Variants in NAV1 observed in about 807,000 individuals in gnomAD.
NAV1 encodes neuron navigator 1.
NAV1 carries 18 observed loss-of-function variants against 175.2 expected under a neutral mutation model. The observed-to-expected ratio is 0.10, with a 90% CI of 0.07 to 0.15. The LOEUF is 0.15. Ranked by LOEUF, NAV1 falls within the 10% of genes least tolerant of loss-of-function variation. The pLI is 1.00. For synonymous variants in NAV1, 897 were observed against 978.7 expected (o/e 0.92, Z 1.56); for missense variants, 1,731 against 2,436.6 (o/e 0.71, Z 6.10).
chr1:201,794,772 C>T lies in NAV1; in HGVS notation c.3517+195C>T, dbSNP rs560485939. On this transcript the variant is annotated intron_variant, in intron 15 of 29. Transcript: ENST00000367296. ...GGGGCATGACCCCAGCTTCCTAGGGCATGAAGGCAAGTAGAGGAGACCTGT... is the reference window on the plus strand; with the variant it reads ...GGGGCATGACCCCAGCTTCCTAGGGTATGAAGGCAAGTAGAGGAGACCTGT... The T allele has an allele frequency of 1.5e-5, 9 of 599,724 alleles. No individual in the cohort carries two copies. In the South Asian group the frequency reaches 1.8e-4, roughly 12 times the overall value. 37.2% of individuals were successfully genotyped at this position (599,724 alleles called of 1,614,324 possible). A position where few individuals can be genotyped will look rare whatever the true frequency, so the allele number is the denominator to read the frequency against.
intron 3 of NAV1, among the ~76,000 whole-genome samples, chr1:201,731,514 T>C (rs773443834): frequency 6.6e-6 from 1 of 152,126 alleles, no homozygotes; most frequent in Non-Finnish European, 1.5e-5. Context: ...GGCCAGCTCC[T>C]ACTAAAAGGG....
chr1:201,557,627 T>G (rs1666067796), intron 1 of NAV1, among the ~76,000 whole-genome samples: 1 of 152,242 alleles, frequency 6.6e-6, no homozygotes, highest in South Asian at 2.1e-4. Flanking sequence ...GTTCCTGATC[T>G]TCCCAGTTTT....
intron 15 of NAV1, among the ~76,000 whole-genome samples, chr1:201,802,474 A>AGG (rs71141413): frequency 4.8e-5 from 2 of 41,710 alleles, no homozygotes; most frequent in Non-Finnish European, 1.7e-4. Context: ...AAAAAAAAAA[A>AGG]AAGAAAGAAA....
At chr1:201,758,317 T>G (rs1447178540) in intron 3 of NAV1, among the ~76,000 whole-genome samples, 2 of 152,196 alleles carry the variant, frequency 1.3e-5, no homozygotes, top group African/African-American at 4.8e-5. Flanking sequence ...ATGTTGACAT[T>G]TTATTTGGTG....
intron 1 of NAV1, chr1:201,673,713 T>C (rs1026597230): frequency 1.3e-5 from 2 of 152,190 alleles, no homozygotes; most frequent in Non-Finnish European, 2.9e-5. Context: ...TAGGACAGAA[T>C]GTATGTAGCC....
Position 201,754,638 on chromosome 1 carries a change from G to A in NAV1, c.1227-25783G>A, listed in dbSNP as rs116451687. 7.6e-3 allele frequency among the ~76,000 whole-genome samples: 1,160 copies of A among 152,248 alleles called. 15 individuals carry two copies. The highest frequency in any genetic ancestry group is 0.027 in the African/African-American group (1,104 of 41,536). On this transcript the variant is annotated intron_variant, in intron 3 of 29. Coordinates refer to ENST00000367296, the Ensembl canonical transcript of NAV1. ...CAGCTGGTAGCCTACAAATGCAGGC[G>A]AAAAGTTCTCTCCATGTGGCTCATG...
At chr1:201,607,355 T>C (rs1201448119) in intron 2 of NAV1, among the ~76,000 whole-genome samples, 1 of 151,846 alleles carries the variant, frequency 6.6e-6, no homozygotes, top group Non-Finnish European at 1.5e-5. Flanking sequence ...CCTCAAGTAA[T>C]CCACCCACCT....
intron 2 of NAV1, among the ~76,000 whole-genome samples, chr1:201,596,311 A>G (rs986632790): frequency 1.4e-4 from 21 of 152,174 alleles, no homozygotes; most frequent in African/African-American, 4.6e-4. Flanking sequence ...TGTATCTCTC[A>G]TTAGTCCAAG....
intron 3 of NAV1, among the ~76,000 whole-genome samples, chr1:201,753,318 G>T (rs1474078617): frequency 6.6e-6 from 1 of 152,170 alleles, no homozygotes; most frequent in Non-Finnish European, 1.5e-5. Context: ...AATGTAAAAA[G>T]CAGAGGCAAT....
exon 4 of NAV1, chr1:201,780,526 T>A (rs1041543242): frequency 1.2e-6 from 2 of 1,614,166 alleles, no homozygotes; most frequent in African/African-American, 1.3e-5. Flanking sequence ...TCCCAAGTAC[T>A]CCCACTGCTT....
exon 1 of NAV1, chr1:201,622,988 C>T (rs754398454): frequency 4.1e-5 from 40 of 986,058 alleles, no homozygotes; most frequent in East Asian, 1.1e-4. Context: ...ACACCGGGCG[C>T]TTCTCCCCAG....
chr1:201,782,821 G>C lies in NAV1; in HGVS notation c.2309G>C (p.Ser770Thr). ...GAAAGTACTCCCAAGAACCAAGCAAGCCACCCCACAGCCACCAAGCTGGCA... is the reference window on the plus strand; with the variant it reads ...GAAAGTACTCCCAAGAACCAAGCAACCCACCCCACAGCCACCAAGCTGGCA... The change falls in exon 6 of 30, where the codon AGC (serine) becomes ACC (threonine). Residue 770 changes from serine (S) to threonine (T), a missense_variant. By Grantham distance (58) the Ser-to-Thr change is moderately conservative. Coordinates refer to ENST00000367296, the Ensembl canonical transcript of NAV1. The surrounding 1 kb of genome is among the most constrained non-coding windows in gnomAD (Gnocchi z 5.4). The C allele has an allele frequency of 6.2e-7, 1 of 1,604,724 alleles. No individual in the cohort carries two copies. Among genetic ancestry groups the C allele is most frequent in the South Asian group, 1.1e-5 (1 of 90,022 alleles).
chr1:201,712,745 C>A, intron 1 of NAV1, 72 bp from the exon 6 acceptor site: 1 of 1,050,802 alleles, frequency 9.5e-7, no homozygotes, highest in Non-Finnish European at 1.5e-6. Context: ...TGTCAATCTC[C>A]ACTTCCTGAC....
intron 1 of NAV1, among the ~76,000 whole-genome samples, chr1:201,584,730 G>T (rs563074601): frequency 6.6e-6 from 1 of 152,326 alleles, no homozygotes; most frequent in Non-Finnish European, 1.5e-5. Flanking sequence ...CCTGCTGACA[G>T]GCTGGGCCAG....
At chr1:201,651,122 CGTGTGTGTGTGTGTGTGTGTGTGT>C (rs60462710) in intron 1 of NAV1, among the ~76,000 whole-genome samples, 1 of 129,062 alleles carries the variant, frequency 7.7e-6, no homozygotes, top group Admixed American at 7.7e-5. Flanking sequence ...AGGAAGGGAC[CGTGTGTGTGTGTGTGTGTGTGTGT>C]GTGTGTGTGT....
chr1:201,809,830 C>A, intron 22 of NAV1, 116 bp from the exon 27 acceptor site: 1 of 1,035,154 alleles, frequency 9.7e-7, no homozygotes, highest in Non-Finnish European at 1.4e-6. Flanking sequence ...CTAGGAAAAG[C>A]ATATGCTCTG....
chr1:201,643,398 C>CTCCAT (rs796830180), upstream of NAV1, among the ~76,000 whole-genome samples: 4 of 145,324 alleles, frequency 2.8e-5, no homozygotes, highest in African/African-American at 1.1e-4. Context: ...CCTTTCTCCT[C>CTCCAT]TCCCTTCCCT....
chr1:201,800,022 G>A (rs905757073), intron 15 of NAV1, among the ~76,000 whole-genome samples: 1 of 151,280 alleles, frequency 6.6e-6, no homozygotes, highest in Non-Finnish European at 1.5e-5. Flanking sequence ...TTTTTTGAGA[G>A]AGGGTATCAC....
intron 2 of NAV1, among the ~76,000 whole-genome samples, chr1:201,630,683 C>T (rs1040712247): frequency 1.3e-5 from 2 of 152,196 alleles, no homozygotes; most frequent in Non-Finnish European, 2.9e-5. Context: ...ATTTGCAAAG[C>T]AAGCCATCTC....
Sources: allele counts gnomAD v4.1 joint callset (sites outside exome capture counted in the v4.1 genomes callset), GRCh38; gene constraint gnomAD v4.1.1; non-coding constraint Gnocchi (gnomAD v3.1); transcripts MANE v1.5; gene names NCBI Gene and HGNC (gene_info 2026-07-23, HGNC 2026-07-21).